The following PRDM15 variants were observed in gnomAD, a reference collection of about 807,000 sequenced individuals.
The protein encoded by PRDM15 is PR domain zinc finger protein 15.
Under a neutral mutation model 128.6 loss-of-function variants are expected in PRDM15, and 64 were observed. That is an observed-to-expected ratio of 0.50 (90% CI 0.41 to 0.61). The LOEUF (loss-of-function observed/expected upper bound fraction) is 0.61, where lower values mean the gene tolerates loss of function less well. PRDM15 is among the 20% of genes least tolerant of loss of function. The probability of loss-of-function intolerance (pLI) is 0.00; values close to 1 mark genes in which losing one functional copy is unlikely to be tolerated. For missense variants in PRDM15, 1,242 were observed against 1,569.1 expected, an observed-to-expected ratio of 0.79 and a Z score of 3.52; for synonymous variants, 615 against 621.8, an observed-to-expected ratio of 0.99 and a Z score of 0.16.
intron 3 of PRDM15, among the ~76,000 whole-genome samples, chr21:41,857,699 G>A (rs1372743464): frequency 6.6e-6 from 1 of 152,226 alleles, no homozygotes; most frequent in Non-Finnish European, 1.5e-5. Flanking sequence ...GTTTGAGGCT[G>A]CAGTGAGCCA....
At chr21:41,829,105 TCA>T (rs1336132989) in intron 11 of PRDM15, among the ~76,000 whole-genome samples, 3 of 98,718 alleles carry the variant, frequency 3.0e-5, no homozygotes, top group Admixed American at 1.0e-4. Context: ...AAATACACAA[TCA>T]CACACACCAC....
rs1315668165 is a variant in PRDM15, at chr21:41,812,241, T to A, written c.2393-1405A>T. On this transcript the variant is annotated intron_variant, in intron 19 of 23. Coordinates refer to ENST00000398548, the MANE Select transcript of PRDM15 (RefSeq NM_001040424.3). The stretch of plus-strand genomic sequence containing the variant: ...TTTGTTGCTTATTTTAAGGACACTT[T>A]TGATTGACATCAAACTCATAGACAG... 2.6e-5 allele frequency: 4 copies of A among 152,258 alleles called. No individual in the cohort carries two copies. The East Asian group carries it at 7.7e-4, about 29-fold the overall frequency. The allele number at this position is 152,258 out of a possible 1,614,324, so 9.4% of individuals were successfully genotyped here. A position where few individuals can be genotyped will look rare whatever the true frequency, so the allele number is the denominator to read the frequency against.
In PRDM15 at chr21:41,798,360, G is replaced by A. The variant is rs1054761; in HGVS notation, c.*2880C>T. 0.28 allele frequency: 42,989 copies of A among 152,112 alleles called. 6,256 individuals are homozygous for A. The highest frequency in any genetic ancestry group is 0.41 in the East Asian group (2,128 of 5,176). 9.4% of individuals were successfully genotyped at this position (152,112 alleles called of 1,614,324 possible). ...AAGCCCAAGACGCCGCCTCTAGTGG[G>A]GAAGCCATGAGCCTTCCGCCTTTGG... is the stretch of plus-strand genomic sequence containing the variant. On this transcript the variant is annotated 3_prime_UTR_variant, in exon 24 of 24. Transcript: ENST00000398548.
chr21:41,800,862 T>G lies in PRDM15; in HGVS notation c.*378A>C. On this transcript the variant is annotated 3_prime_UTR_variant, in exon 24 of 24. Coordinates refer to ENST00000398548, the MANE Select transcript of PRDM15 (RefSeq NM_001040424.3). ...TAAAAGAAAAAAGAAAATGAACCAT[T>G]TGTGTTCCTAATAACTTATCTCCTG... 1.0e-5 allele frequency: 2 copies of G among 196,510 alleles called. No homozygotes were observed. Among genetic ancestry groups the G allele is most frequent in the Non-Finnish European group, 1.0e-5 (1 of 98,038 alleles). 12.2% of individuals were successfully genotyped at this position (196,510 alleles called of 1,614,324 possible).
chr21:41,807,139 G>A (rs1347113201), intron 21 of PRDM15, among the ~76,000 whole-genome samples: 2 of 152,178 alleles, frequency 1.3e-5, no homozygotes, highest in Non-Finnish European at 2.9e-5. Flanking sequence ...TCTGAAAGCT[G>A]ACGCCATCAA....
In PRDM15 at chr21:41,804,608, C is replaced by A; in HGVS notation, c.2659G>T (p.Ala887Ser). Residue 887 changes from alanine to serine, a missense_variant, in exon 22 of 24, where the codon GCG (alanine) becomes TCG (serine). Transcript: ENST00000398548. The stretch of plus-strand genomic sequence containing the variant: ...TGGTCCAGGTCATCGATCCTCACCG[C>A]GAGCACCTATGAGGAGCACAGGGCA... Reference protein sequence around the residue: ...HMRRKHPEVLAVRIDDLDHLP... With the variant: ...HMRRKHPEVLSVRIDDLDHLP... 1 of 1,561,126 alleles carries A rather than the reference C, an allele frequency of 6.4e-7. No individual in the cohort carries two copies. Among genetic ancestry groups the A allele is most frequent in the South Asian group, 1.2e-5 (1 of 84,560 alleles).
In PRDM15 at chr21:41,821,440, T is replaced by C. The variant is rs1211571196; in HGVS notation, c.1897-210A>G. 6.6e-6 allele frequency among the ~76,000 whole-genome samples: 1 copy of C among 152,004 alleles called. No homozygotes were observed. The highest frequency in any genetic ancestry group is 2.4e-5 in the African/African-American group (1 of 41,378). On this transcript the variant is annotated intron_variant, in intron 15 of 23. Coordinates refer to ENST00000398548, the MANE Select transcript of PRDM15 (RefSeq NM_001040424.3). This position sits in a 1 kb window ranked among gnomAD's most constrained non-coding sequence, Gnocchi z 5.4. ...CCAAAACTCAAGAGCACGGGTGTCC[T>C]CGGAAACAAACCACCCTCCTTTTTG...
At chr21:41,834,209 C>T (rs1487576458) in intron 11 of PRDM15, among the ~76,000 whole-genome samples, 2 of 148,980 alleles carry the variant, frequency 1.3e-5, no homozygotes, top group Non-Finnish European at 1.5e-5. Flanking sequence ...ACAGTCCAAC[C>T]CCAGGAAGAA....
In PRDM15 at chr21:41,879,145, C is replaced by A. The variant is rs1193497834; in HGVS notation, c.-10+125G>T. The A allele has an allele frequency of 2.1e-4, 197 of 940,922 alleles. No individual in the cohort carries two copies. In the African/African-American group the frequency reaches 3.7e-3, roughly 18 times the overall value. 58.3% of individuals were successfully genotyped at this position (940,922 alleles called of 1,614,324 possible). The stretch of plus-strand genomic sequence containing the variant: ...CTGGACCGGGGCGGCGCGCGGCTGC[C>A]GGGCGCGGGGGGCGGGGGGCAGCGG... On this transcript the variant is annotated intron_variant, in intron 1 of 23. Coordinates refer to ENST00000398548, the MANE Select transcript of PRDM15 (RefSeq NM_001040424.3). The surrounding 1 kb of genome is among the most constrained non-coding windows in gnomAD (Gnocchi z 5.1).
At chr21:41,866,589 C>T (rs1393577895) in intron 1 of PRDM15, among the ~76,000 whole-genome samples, 1 of 152,260 alleles carries the variant, frequency 6.6e-6, no homozygotes, top group Non-Finnish European at 1.5e-5. Context: ...GCCTGTGCTA[C>T]TGAAGAAATC....
intron 1 of PRDM15, among the ~76,000 whole-genome samples, chr21:41,873,033 T>G (rs192477390): frequency 1.1e-4 from 16 of 152,160 alleles, no homozygotes; most frequent in Admixed American, 3.3e-4. Context: ...TCCTTACAGT[T>G]TTTCACCGGG....
At chr21:41,835,660 T>C in intron 10 of PRDM15, 136 bp from the exon 11 acceptor site, 1 of 667,758 alleles carries the variant, frequency 1.5e-6, no homozygotes, top group Non-Finnish European at 2.7e-6. Flanking sequence ...CCGCTCTATT[T>C]AGGAACACAA....
chr21:41,873,042 G>A (rs1447164946), intron 1 of PRDM15, among the ~76,000 whole-genome samples: 2 of 152,088 alleles, frequency 1.3e-5, no homozygotes, highest in African/African-American at 4.8e-5. Context: ...TTTTTCACCG[G>A]GTCAGACCAA....
At chr21:41,825,702 C>A (rs544762713) in intron 13 of PRDM15, among the ~76,000 whole-genome samples, 1 of 152,338 alleles carries the variant, frequency 6.6e-6, no homozygotes, top group African/African-American at 2.4e-5. Context: ...GGAGGAAAAT[C>A]ATGGCAAAGA....
In PRDM15 at chr21:41,799,203, C is replaced by T. The variant is rs1463586696; in HGVS notation, c.*2037G>A. 6.6e-6 allele frequency: 1 copy of T among 152,088 alleles called. No homozygotes were observed. Among genetic ancestry groups the T allele is most frequent in the African/African-American group, 2.4e-5 (1 of 41,406 alleles). 9.4% of individuals were successfully genotyped at this position (152,088 alleles called of 1,614,324 possible). A position where few individuals can be genotyped will look rare whatever the true frequency, so the allele number is the denominator to read the frequency against. The stretch of plus-strand genomic sequence containing the variant: ...GGGTGTTTCGTCATGAGCCCAAAGC[C>T]CGTTGGGAGTCTCTGCGAGGTCATT... On this transcript the variant is annotated 3_prime_UTR_variant, in exon 24 of 24. Coordinates refer to ENST00000398548, the MANE Select transcript of PRDM15 (RefSeq NM_001040424.3).
chr21:41,801,131 C>T lies in PRDM15; in HGVS notation c.*109G>A. The T allele has an allele frequency of 2.1e-6, 3 of 1,430,894 alleles. No homozygotes were observed. The highest frequency in any genetic ancestry group is 2.8e-6 in the Non-Finnish European group (3 of 1,076,298). 88.6% of individuals were successfully genotyped at this position (1,430,894 alleles called of 1,614,324 possible). On this transcript the variant is annotated 3_prime_UTR_variant, in exon 24 of 24. Coordinates refer to ENST00000398548, the MANE Select transcript of PRDM15 (RefSeq NM_001040424.3). Reference sequence around the variant, plus strand: ...AGATACTCTGCAAAGCTAAGTCAACCTTACATTGCAATGTATGACTTTTTG... The same window carrying T: ...AGATACTCTGCAAAGCTAAGTCAACTTTACATTGCAATGTATGACTTTTTG...
At chr21:41,836,395 C>G (rs749978832) in intron 9 of PRDM15, 73 bp downstream of exon 9, 1 of 1,484,570 alleles carries the variant, frequency 6.7e-7, no homozygotes, top group Non-Finnish European at 9.2e-7. Context: ...AGGGGAGACT[C>G]CGTGCTGTCC....
At chr21:41,831,952 T>G (rs1601277109) in intron 11 of PRDM15, among the ~76,000 whole-genome samples, 1 of 152,224 alleles carries the variant, frequency 6.6e-6, no homozygotes, top group African/African-American at 2.4e-5. Context: ...CTTCCTTCTA[T>G]AAAGTGAAAC....
intron 5 of PRDM15, among the ~76,000 whole-genome samples, chr21:41,850,305 G>GCC (rs1237173441): frequency 1.4e-5 from 2 of 138,762 alleles, no homozygotes; most frequent in Non-Finnish European, 1.6e-5. Context: ...TCCTCCTGGT[G>GCC]CCCCCCCAAC....
Sources: allele counts gnomAD v4.1 joint callset (sites outside exome capture counted in the v4.1 genomes callset), GRCh38; gene constraint gnomAD v4.1.1; non-coding constraint Gnocchi (gnomAD v3.1); transcripts MANE v1.5; gene names NCBI Gene and HGNC (gene_info 2026-07-23, HGNC 2026-07-21).